Variants in EPB41L5 observed in about 807,000 individuals in gnomAD.
The protein encoded by EPB41L5 is band 4.1-like protein 5.
In EPB41L5, 55 loss-of-function variants were observed where a neutral mutation model predicts 106.6. The ratio of observed to expected loss-of-function variants is 0.52; its 90% CI spans 0.42 to 0.65. The LOEUF (loss-of-function observed/expected upper bound fraction) is 0.65, where lower values mean the gene tolerates loss of function less well. EPB41L5 is among the 30% of genes least tolerant of loss of function. EPB41L5 has a pLI of 0.00. For synonymous variants in EPB41L5, 297 were observed against 306.7 expected (o/e 0.97, Z 0.33); for missense variants, 871 against 882.1 (o/e 0.99, Z 0.16).
Position 120,168,400 on chromosome 2 carries a change from C to G in EPB41L5, c.2135+393C>G, listed in dbSNP as rs139197862. On this transcript the variant is annotated intron_variant, in intron 24 of 24. Transcript: ENST00000263713. ...TATAAGTGGGTAAGTTAGGATACTC[C>G]TAGGGTGAGAGCCCTGAGATGCCTT... 3.3e-5 allele frequency among the ~76,000 whole-genome samples: 5 copies of G among 152,294 alleles called. No homozygotes were observed. In the East Asian group the frequency reaches 9.6e-4, roughly 29 times the overall value.
chr2:120,082,041 C>T (rs145499969), intron 10 of EPB41L5, among the ~76,000 whole-genome samples: 5 of 152,168 alleles, frequency 3.3e-5, no homozygotes, highest in Admixed American at 6.5e-5. Context: ...AATATACAAT[C>T]GTGTCATCTG....
At chr2:120,105,068 A>G (rs1684369973) in intron 16 of EPB41L5, 1 of 981,606 alleles carries the variant, frequency 1.0e-6, no homozygotes, top group South Asian at 4.7e-5. Flanking sequence ...ACAGTCTCAT[A>G]ATCTGATCCT....
intron 16 of EPB41L5, chr2:120,105,178 T>C: frequency 2.0e-6 from 2 of 979,776 alleles, no homozygotes; most frequent in Non-Finnish European, 2.4e-6. Context: ...TCAAGCTCCT[T>C]GGTTTAATTA....
At chr2:120,140,122 C>T (rs1190876380) in intron 18 of EPB41L5, among the ~76,000 whole-genome samples, 4 of 151,728 alleles carry the variant, frequency 2.6e-5, no homozygotes, top group Non-Finnish European at 4.4e-5. Flanking sequence ...ATTAAACTTG[C>T]GGAGATAGAT....
chr2:120,137,670 G>T (rs901037138), intron 18 of EPB41L5, among the ~76,000 whole-genome samples: 1 of 151,994 alleles, frequency 6.6e-6, no homozygotes, highest in African/African-American at 2.4e-5. Flanking sequence ...TCCAAAACCT[G>T]AATAGACCAA....
intron 2 of EPB41L5, among the ~76,000 whole-genome samples, chr2:120,034,850 G>A (rs1678943704): frequency 6.6e-6 from 1 of 152,180 alleles, no homozygotes; most frequent in Non-Finnish European, 1.5e-5. Context: ...GTAACAGAGC[G>A]AGACCCCATC....
chr2:120,137,662 C>T (rs2105482645), intron 18 of EPB41L5, among the ~76,000 whole-genome samples: 1 of 151,968 alleles, frequency 6.6e-6, no homozygotes, highest in Admixed American at 6.6e-5. Flanking sequence ...AGAAGGAATC[C>T]AAAACCTGAA....
intron 2 of EPB41L5, among the ~76,000 whole-genome samples, chr2:120,033,696 G>A (rs1200300762): frequency 2.6e-5 from 3 of 113,314 alleles, no homozygotes; most frequent in Admixed American, 2.2e-4. Flanking sequence ...CAACAAGAGC[G>A]AAACTCCATC....
intron 3 of EPB41L5, among the ~76,000 whole-genome samples, chr2:120,059,301 T>C (rs764833183): frequency 6.6e-5 from 10 of 152,144 alleles, no homozygotes; most frequent in Non-Finnish European, 1.2e-4. Flanking sequence ...AACCTTGACC[T>C]AAACCTTATA....
In EPB41L5 at chr2:120,178,897, T is replaced by TGGTTATG. The variant is rs1385818785; in HGVS notation, c.*3991_*3997dup. ...TATCTCCTTATCTGGATATGATAAG[T>TGGTTATG]GGTTATGAGGGTCTCACTAACTATT... is the stretch of plus-strand genomic sequence containing the variant. On this transcript the variant is annotated 3_prime_UTR_variant, in exon 25 of 25. Transcript: ENST00000263713. 1 of 152,240 alleles carries TGGTTATG rather than the reference T, an allele frequency of 6.6e-6. No homozygotes were observed. Among genetic ancestry groups the TGGTTATG allele is most frequent in the East Asian group, 1.9e-4 (1 of 5,200 alleles). 9.4% of individuals were successfully genotyped at this position (152,240 alleles called of 1,614,324 possible).
At chr2:120,035,660 C>T (rs947008049) in intron 2 of EPB41L5, among the ~76,000 whole-genome samples, 3 of 152,134 alleles carry the variant, frequency 2.0e-5, no homozygotes, top group African/African-American at 7.2e-5. Flanking sequence ...GCCTGGGCAA[C>T]ATGGTGAGAC....
At chr2:120,168,208 GT>G (rs1574796352) in intron 24 of EPB41L5, among the ~76,000 whole-genome samples, 1 of 152,166 alleles carries the variant, frequency 6.6e-6, no homozygotes, top group Non-Finnish European at 1.5e-5. Flanking sequence ...CTGTATTAGC[GT>G]TTCTTTATCA....
At chr2:120,118,695 G>A (rs530560920) in intron 16 of EPB41L5, among the ~76,000 whole-genome samples, 11 of 152,282 alleles carry the variant, frequency 7.2e-5, no homozygotes, top group Admixed American at 2.0e-4. Context: ...TTATGACTGC[G>A]TAGTATTCCA....
chr2:120,095,899 A>G (rs1299949617), intron 14 of EPB41L5, among the ~76,000 whole-genome samples: 1 of 151,916 alleles, frequency 6.6e-6, no homozygotes, highest in African/African-American at 2.4e-5. Flanking sequence ...CGAACTCTTG[A>G]CCTCATGTGA....
intron 2 of EPB41L5, among the ~76,000 whole-genome samples, chr2:120,023,692 A>G (rs1678102667): frequency 6.6e-6 from 1 of 152,174 alleles, no homozygotes; most frequent in Admixed American, 6.5e-5. Flanking sequence ...TATGAAATTT[A>G]AAGTAGTTTT....
intron 3 of EPB41L5, among the ~76,000 whole-genome samples, chr2:120,049,767 T>G (rs1680093157): frequency 1.3e-5 from 2 of 152,202 alleles, no homozygotes; most frequent in African/African-American, 4.8e-5. Context: ...ATCGATGGTC[T>G]TTACAATTTG....
chr2:120,026,474 G>C (rs1678323176), intron 2 of EPB41L5, among the ~76,000 whole-genome samples: 2 of 152,078 alleles, frequency 1.3e-5, no homozygotes, highest in African/African-American at 4.8e-5. Flanking sequence ...CTTCAAGCCA[G>C]TCTCCTGCCT....
intron 14 of EPB41L5, among the ~76,000 whole-genome samples, chr2:120,096,434 C>T (rs567653487): frequency 2.6e-5 from 4 of 152,226 alleles, no homozygotes; most frequent in African/African-American, 9.6e-5. Context: ...ACATTTTGTG[C>T]CTTTTCTGTG....
At chr2:120,119,608 T>C (rs530420714) in intron 16 of EPB41L5, among the ~76,000 whole-genome samples, 8 of 151,328 alleles carry the variant, frequency 5.3e-5, no homozygotes, top group African/African-American at 9.7e-5. Flanking sequence ...TTATGAAATA[T>C]GGAGTCCTTT....
Sources: gnomAD v4.1 joint callset for allele counts (sites outside exome capture counted in the v4.1 genomes callset) on GRCh38, gnomAD v4.1.1 for gene constraint, MANE v1.5 for transcripts, NCBI Gene and HGNC (gene_info 2026-07-23, HGNC 2026-07-21) for gene names.